Variants in GRIA3 observed in about 807,000 individuals in gnomAD.
GRIA3 encodes the protein glutamate receptor 3.
Under a neutral mutation model 63.0 loss-of-function variants are expected in GRIA3, and 3 were observed. The observed-to-expected ratio is 0.05, with a 90% CI of 0.02 to 0.12. The LOEUF is 0.12. GRIA3 is among the 10% of genes least tolerant of loss of function. GRIA3 has a pLI of 1.00. For missense variants in GRIA3, 347 were observed against 700.9 expected, an observed-to-expected ratio of 0.50 and a Z score of 5.70; for synonymous variants, 274 against 257.9, an observed-to-expected ratio of 1.06 and a Z score of -0.60.
chrX:123,189,575 T>C (rs1927372654), intron 2 of GRIA3, among the ~76,000 whole-genome samples: 2 of 112,789 alleles, frequency 1.8e-5, no homozygotes, highest in African/African-American at 6.4e-5. Context: ...CTCTCCGCAC[T>C]GTCATTGCAA....
chrX:123,295,105 T>G (rs2044677316), intron 3 of GRIA3, among the ~76,000 whole-genome samples: 1 of 111,546 alleles, frequency 9.0e-6, no homozygotes, highest in Non-Finnish European at 1.9e-5. Flanking sequence ...TCTCTATTTC[T>G]GCATAGTCAC....
At chrX:123,386,885 G>T (rs1186332573) in intron 5 of GRIA3, among the ~76,000 whole-genome samples, 1 of 111,595 alleles carries the variant, frequency 9.0e-6, no homozygotes, top group Non-Finnish European at 1.9e-5. Flanking sequence ...TTGAAGTCAG[G>T]TAGTATGATG....
intron 2 of GRIA3, among the ~76,000 whole-genome samples, chrX:123,220,665 T>G (rs1222150410): frequency 8.9e-6 from 1 of 112,132 alleles, no homozygotes; most frequent in African/African-American, 3.2e-5. Context: ...ATTTGGAAGG[T>G]CTGAATTCTA....
At chrX:123,320,181 C>T (rs2044858895) in intron 3 of GRIA3, among the ~76,000 whole-genome samples, 1 of 111,515 alleles carries the variant, frequency 9.0e-6, no homozygotes, top group African/African-American at 3.3e-5. Flanking sequence ...CATTGTCTTC[C>T]CACTCCACTG....
At chrX:123,245,023 G>C (rs1355729273) in intron 2 of GRIA3, among the ~76,000 whole-genome samples, 1 of 112,302 alleles carries the variant, frequency 8.9e-6, no homozygotes, top group African/African-American at 3.2e-5. Flanking sequence ...GACCAGTTAA[G>C]AGACTACTCT....
chrX:123,488,089 G>T (rs949648755), intron 15 of GRIA3, among the ~76,000 whole-genome samples: 1 of 111,965 alleles, frequency 8.9e-6, no homozygotes, highest in African/African-American at 3.3e-5. Flanking sequence ...CCTCCAAAAA[G>T]AAGACACTAT....
At chrX:123,423,363 A>G (rs762911332) in intron 11 of GRIA3, among the ~76,000 whole-genome samples, 1 of 112,168 alleles carries the variant, frequency 8.9e-6, no homozygotes, top group East Asian at 2.8e-4. Context: ...AAAATAAATG[A>G]GATCAAAGAC....
chrX:123,326,297 T>G (rs773210738), intron 4 of GRIA3, 84 bp downstream of exon 4: 2 of 788,831 alleles, frequency 2.5e-6, no homozygotes, highest in African/African-American at 4.3e-5. Context: ...ATAAATTAAG[T>G]AGCCAACAGA....
chrX:123,401,483 C>T (rs974593779), intron 7 of GRIA3, among the ~76,000 whole-genome samples: 3 of 112,036 alleles, frequency 2.7e-5, no homozygotes, highest in East Asian at 2.8e-4. Context: ...GTATCAGTCT[C>T]ATCCCACTGG....
At chrX:123,385,802 G>A (rs1048514656) in intron 5 of GRIA3, among the ~76,000 whole-genome samples, 1 of 111,529 alleles carries the variant, frequency 9.0e-6, no homozygotes, top group South Asian at 3.8e-4. Flanking sequence ...GCTGTTGTTG[G>A]TTATATATTT....
At chrX:123,291,252 A>G (rs1298826421) in intron 3 of GRIA3, among the ~76,000 whole-genome samples, 1 of 111,608 alleles carries the variant, frequency 9.0e-6, no homozygotes, top group Non-Finnish European at 1.9e-5. Context: ...GCCTGGTAGT[A>G]GGTAGATATG....
intron 4 of GRIA3, among the ~76,000 whole-genome samples, chrX:123,349,475 A>ATCCT (rs1422230883): frequency 8.9e-6 from 1 of 112,641 alleles, no homozygotes; most frequent in East Asian, 2.8e-4. Flanking sequence ...TTGTTCTCTA[A>ATCCT]TCCTCACATC....
intron 2 of GRIA3, among the ~76,000 whole-genome samples, chrX:123,203,281 T>C (rs1408944382): frequency 1.8e-5 from 2 of 111,617 alleles, no homozygotes; most frequent in East Asian, 5.6e-4. Flanking sequence ...AATTCTTCAA[T>C]ACATGTAAGG....
chrX:123,248,740 C>G (rs188829398), intron 2 of GRIA3, among the ~76,000 whole-genome samples: 1 of 111,201 alleles, frequency 9.0e-6, no homozygotes, highest in Non-Finnish European at 1.9e-5. Context: ...GAGCCGAGAT[C>G]GGGCCATTGC....
At chrX:123,407,358 T>C (rs2045479745) in intron 10 of GRIA3, among the ~76,000 whole-genome samples, 1 of 111,450 alleles carries the variant, frequency 9.0e-6, no homozygotes, top group Non-Finnish European at 1.9e-5. Context: ...ACAGTGACTA[T>C]CTTAGTTTGT....
At chrX:123,358,906 G>A (rs2045150672) in intron 5 of GRIA3, 1 of 111,414 alleles carries the variant, frequency 9.0e-6, no homozygotes, top group Non-Finnish European at 1.9e-5. Flanking sequence ...GTTACTGTGT[G>A]TAGAGCCCTA....
intron 3 of GRIA3, among the ~76,000 whole-genome samples, chrX:123,254,672 T>C (rs1343383897): frequency 8.9e-6 from 1 of 111,907 alleles, no homozygotes; most frequent in African/African-American, 3.2e-5. Flanking sequence ...CAAATCTTAA[T>C]AGCAAATACT....
chrX:123,358,972 A>G (rs2045151436), intron 5 of GRIA3, among the ~76,000 whole-genome samples: 1 of 111,625 alleles, frequency 9.0e-6, no homozygotes. Context: ...AATAATAATA[A>G]GAAGAAAAAA....
rs747406713 is a variant in GRIA3, at chrX:123,426,747, A to C, written c.1878-1194A>C. Among the ~76,000 whole-genome samples, 4 of 112,223 alleles carry C rather than the reference A, an allele frequency of 3.6e-5. No homozygotes were observed. The Admixed American group carries it at 3.8e-4, about 11-fold the overall frequency. ...GATGCACAGTAACATTTAAGAACAA[A>C]AATTTCCCCTTATTAAAACTTACCC... is the stretch of plus-strand genomic sequence containing the variant. On this transcript the variant is annotated intron_variant, in intron 11 of 15. Coordinates refer to ENST00000620443, the MANE Select transcript of GRIA3 (RefSeq NM_007325.5).
Sources: allele counts gnomAD v4.1 joint callset (sites outside exome capture counted in the v4.1 genomes callset), GRCh38; gene constraint gnomAD v4.1.1; transcripts MANE v1.5; gene names NCBI Gene and HGNC (gene_info 2026-07-23, HGNC 2026-07-21).